Variants in S100Z observed in about 807,000 individuals in gnomAD.
S100Z encodes protein S100-Z.
S100Z carries 11 observed loss-of-function variants against 8.5 expected under a neutral mutation model. The ratio of observed to expected loss-of-function variants is 1.30; its 90% CI spans 0.82 to 2.15. The LOEUF (loss-of-function observed/expected upper bound fraction) is 2.15. Ranked by LOEUF, S100Z falls within the 30% of genes most tolerant of loss-of-function variation. The probability of loss-of-function intolerance (pLI) is 0.00; values close to 1 mark genes in which losing one functional copy is unlikely to be tolerated. For missense variants in S100Z, 126 were observed against 117.9 expected, an observed-to-expected ratio of 1.07 and a Z score of -0.32; for synonymous variants, 34 against 43.8, an observed-to-expected ratio of 0.78 and a Z score of 0.89.
At chr5:76,874,701 AT>A (rs1456717241) in intron 2 of S100Z, among the ~76,000 whole-genome samples, 1 of 151,738 alleles carries the variant, frequency 6.6e-6, no homozygotes, top group Non-Finnish European at 1.5e-5. Context: ...ATTTTTATTT[AT>A]TTTTAAATTC....
At chr5:76,925,068 T>C (rs1332625344), downstream of S100Z, among the ~76,000 whole-genome samples, 4 of 152,130 alleles carry the variant, frequency 2.6e-5, no homozygotes, top group African/African-American at 9.7e-5. Flanking sequence ...AGCTTACTCA[T>C]GTTGTTGGCA....
chr5:76,920,212 C>T (rs1382763620), intron 4 of S100Z, among the ~76,000 whole-genome samples: 2 of 151,978 alleles, frequency 1.3e-5, no homozygotes, highest in African/African-American at 4.8e-5. Flanking sequence ...CCCGGCTCAG[C>T]CTTCATTTTT....
intron 1 of S100Z, among the ~76,000 whole-genome samples, chr5:76,862,330 A>G (rs1213311336): frequency 2.0e-5 from 3 of 152,212 alleles, no homozygotes; most frequent in African/African-American, 7.2e-5. Flanking sequence ...AGGTATAGCC[A>G]GTTCTAGGCA....
chr5:76,899,644 G>C (rs116051214), intron 4 of S100Z, among the ~76,000 whole-genome samples: 4 of 151,942 alleles, frequency 2.6e-5, no homozygotes, highest in Non-Finnish European at 2.9e-5. Context: ...TGCCCTTAAC[G>C]TTGTCCTCCT....
At chr5:76,913,339 G>A (rs184272553) in intron 4 of S100Z, among the ~76,000 whole-genome samples, 139 of 152,280 alleles carry the variant, frequency 9.1e-4, no homozygotes, top group African/African-American at 3.2e-3. Flanking sequence ...GCGATTAAGG[G>A]AAAAAGACAC....
At chr5:76,937,167 A>G in the S100Z span, among the ~76,000 whole-genome samples, 3 of 152,148 alleles carry the variant, frequency 2.0e-5, no homozygotes, top group Non-Finnish European at 4.4e-5. Flanking sequence ...TAAAGGCTAA[A>G]TTTATGCTTG....
chr5:76,874,860 C>G (rs1206054863), intron 2 of S100Z, among the ~76,000 whole-genome samples: 1 of 151,192 alleles, frequency 6.6e-6, no homozygotes, highest in East Asian at 1.9e-4. Flanking sequence ...GGGTGGAACA[C>G]TCTTTAATGA....
At chr5:76,854,307 A>G (rs1346171111) in intron 1 of S100Z, among the ~76,000 whole-genome samples, 1 of 152,204 alleles carries the variant, frequency 6.6e-6, no homozygotes, top group Non-Finnish European at 1.5e-5. Flanking sequence ...CAACAGAAAG[A>G]TGAGGGAAAG....
intron 4 of S100Z, among the ~76,000 whole-genome samples, chr5:76,894,051 G>A (rs1369474709): frequency 6.6e-6 from 1 of 152,182 alleles, no homozygotes; most frequent in Non-Finnish European, 1.5e-5. Flanking sequence ...GGGGTCTGAC[G>A]TGCCTCATTG....
the S100Z span, among the ~76,000 whole-genome samples, chr5:76,934,871 T>C: frequency 0.1 from 15,169 of 152,008 alleles, 804 homozygotes; most frequent in Middle Eastern, 0.14. Flanking sequence ...CAATAAGCTC[T>C]AGGAGTTGTC....
chr5:76,902,870 T>C (rs1744283974), intron 4 of S100Z, among the ~76,000 whole-genome samples: 1 of 152,168 alleles, frequency 6.6e-6, no homozygotes, highest in Admixed American at 6.5e-5. Flanking sequence ...AAAACAAACA[T>C]TCTTGGATTT....
chr5:76,867,046 T>C (rs1194021058), intron 1 of S100Z, among the ~76,000 whole-genome samples: 1 of 152,236 alleles, frequency 6.6e-6, no homozygotes, highest in Non-Finnish European at 1.5e-5. Context: ...TGCTACGACA[T>C]AGTTGTGCGA....
intron 4 of S100Z, among the ~76,000 whole-genome samples, chr5:76,898,174 G>A (rs1744105313): frequency 6.6e-6 from 1 of 150,758 alleles, no homozygotes; most frequent in African/African-American, 2.4e-5. Context: ...TTTTGAGATG[G>A]AGTTTAGCTC....
intron 1 of S100Z, among the ~76,000 whole-genome samples, chr5:76,868,155 G>A (rs185576819): frequency 6.6e-6 from 1 of 152,280 alleles, no homozygotes; most frequent in Admixed American, 6.5e-5. Flanking sequence ...GTTTCTGAAA[G>A]TCTCCTGGAG....
chr5:76,898,623 C>A (rs531685409), intron 4 of S100Z, among the ~76,000 whole-genome samples: 1 of 152,020 alleles, frequency 6.6e-6, no homozygotes, highest in Non-Finnish European at 1.5e-5. Context: ...TTATGTTGAA[C>A]CACTCTTGCA....
At chr5:76,913,457 A>G (rs1290003822) in intron 4 of S100Z, among the ~76,000 whole-genome samples, 1 of 152,254 alleles carries the variant, frequency 6.6e-6, no homozygotes, top group Non-Finnish European at 1.5e-5. Flanking sequence ...TCAGACAAAC[A>G]GAATCAGGAA....
intron 1 of S100Z, among the ~76,000 whole-genome samples, chr5:76,855,001 G>T (rs1750841862): frequency 6.6e-6 from 1 of 152,224 alleles, no homozygotes; most frequent in African/African-American, 2.4e-5. Context: ...CCACTTCAAA[G>T]GTTGCAAGCT....
the S100Z span, among the ~76,000 whole-genome samples, chr5:76,938,175 A>G: frequency 4.6e-5 from 7 of 151,868 alleles, no homozygotes; most frequent in Admixed American, 2.6e-4. Flanking sequence ...TAGACAGGGG[A>G]CTCAATCAAT....
At chr5:76,932,346 G>A in the S100Z span, among the ~76,000 whole-genome samples, 7 of 152,160 alleles carry the variant, frequency 4.6e-5, no homozygotes, top group East Asian at 1.9e-4. Flanking sequence ...CGATGAGACC[G>A]AAGTGAAGAC....
Sources: allele counts gnomAD v4.1 joint callset (sites outside exome capture counted in the v4.1 genomes callset), GRCh38; gene constraint gnomAD v4.1.1; transcripts MANE v1.5; gene names NCBI Gene and HGNC (gene_info 2026-07-23, HGNC 2026-07-21).